RUBCN: variants seen among roughly 807,000 people sequenced by gnomAD.
The protein encoded by RUBCN is rubicon autophagy regulator.
In RUBCN, 74 loss-of-function variants were observed where a neutral mutation model predicts 113.2. The ratio of observed to expected loss-of-function variants is 0.65; its 90% CI spans 0.54 to 0.79. RUBCN has a LOEUF of 0.79. Among genes scored for constraint, RUBCN ranks in the 30% least tolerant of loss-of-function variants. The probability of loss-of-function intolerance (pLI) is 0.00; values close to 1 mark genes in which losing one functional copy is unlikely to be tolerated. For missense variants in RUBCN, 1,109 were observed against 1,251.7 expected (o/e 0.89, Z 1.72); for synonymous variants, 480 against 490.0 (o/e 0.98, Z 0.27).
chr3:197,726,677 A>G (rs567957073), intron 1 of RUBCN, among the ~76,000 whole-genome samples: 1 of 148,158 alleles, frequency 6.7e-6, no homozygotes, highest in East Asian at 2.1e-4. Flanking sequence ...GTAGCTGGGG[A>G]TTACAGGCAC....
rs529545218 is a variant in RUBCN at position 197,668,953 on chromosome 3, A to C, written c.*6065T>G. On this transcript the variant is annotated 3_prime_UTR_variant, in exon 20 of 20. Coordinates refer to ENST00000296343, the MANE Select transcript of RUBCN (RefSeq NM_014687.4). The stretch of plus-strand genomic sequence containing the variant: ...AGAGGAAAAAATACTCCACAATGCC[A>C]CCATTCTAACAGAACCACACTAATT... 6.6e-6 allele frequency among the ~76,000 whole-genome samples: 1 copy of C among 152,314 alleles called. No homozygotes were observed. The highest frequency in any genetic ancestry group is 2.1e-4 in the South Asian group (1 of 4,830).
chr3:197,721,376 G>A (rs547079307), intron 1 of RUBCN, among the ~76,000 whole-genome samples: 1 of 152,192 alleles, frequency 6.6e-6, no homozygotes, highest in South Asian at 2.1e-4. Context: ...ACTTCTTCTA[G>A]GTTTTCCAAT....
intron 1 of RUBCN, among the ~76,000 whole-genome samples, chr3:197,726,819 T>A (rs1288828242): frequency 6.6e-6 from 1 of 151,200 alleles, no homozygotes; most frequent in Non-Finnish European, 1.5e-5. Flanking sequence ...GGATTACAGA[T>A]CTTTTGTATT....
chr3:197,686,720 C>T (rs1243080703), intron 11 of RUBCN, among the ~76,000 whole-genome samples: 5 of 152,158 alleles, frequency 3.3e-5, no homozygotes, highest in African/African-American at 4.8e-5. Context: ...GAAGGAGGTC[C>T]GAGACACTCA....
At chr3:197,741,840 A>T (rs1728536136), upstream of RUBCN, among the ~76,000 whole-genome samples, 1 of 152,004 alleles carries the variant, frequency 6.6e-6, no homozygotes, top group African/African-American at 2.4e-5. Context: ...CAAAAAAAAA[A>T]AACCCCAAAA....
Position 197,670,229 on chromosome 3 carries a change from A to T in RUBCN, c.*4789T>A, listed in dbSNP as rs1276425701. ...TAACTGTCATTTTGATGGTTGCATCAATTTTTTTATTTTCCATTAACTTTT... is the reference window on the plus strand; with the variant it reads ...TAACTGTCATTTTGATGGTTGCATCTATTTTTTTATTTTCCATTAACTTTT... On this transcript the variant is annotated 3_prime_UTR_variant, in exon 20 of 20. Coordinates refer to ENST00000296343, the MANE Select transcript of RUBCN (RefSeq NM_014687.4). 6.6e-6 allele frequency among the ~76,000 whole-genome samples: 1 copy of T among 152,192 alleles called. No individual in the cohort carries two copies. The highest frequency in any genetic ancestry group is 6.5e-5 in the Admixed American group (1 of 15,282).
intron 7 of RUBCN, among the ~76,000 whole-genome samples, chr3:197,699,771 T>C (rs1723429916): frequency 6.6e-6 from 1 of 152,218 alleles, no homozygotes; most frequent in African/African-American, 2.4e-5. Flanking sequence ...AAAGCAACGC[T>C]ATCTCCAGTT....
In RUBCN at chr3:197,676,930, A is replaced by T. The variant is rs1720505056; in HGVS notation, c.2601T>A (p.Leu867=). 6.2e-7 allele frequency: 1 copy of T among 1,614,212 alleles called. No individual in the cohort carries two copies. The highest frequency in any genetic ancestry group is 2.2e-5 in the East Asian group (1 of 44,882). Residue 867 remains leucine (L), a synonymous_variant, in exon 18 of 20, where the codon CTT becomes CTA. Coordinates refer to ENST00000296343, the MANE Select transcript of RUBCN (RefSeq NM_014687.4). ...ATRKGELGPR[L]AELTRAGATH... is the part of the protein sequence containing the mutation. The stretch of plus-strand genomic sequence containing the variant: ...TAGCCCCTGCCCTGGTGAGCTCAGC[A>T]AGCCGGGGCCCCAGCTCCCCCTTCC...
chr3:197,734,339 G>T (rs1560476548), intron 1 of RUBCN, among the ~76,000 whole-genome samples: 2 of 151,438 alleles, frequency 1.3e-5, no homozygotes. Flanking sequence ...AGAGGCCGAG[G>T]CTGGAGAATA....
intron 1 of RUBCN, among the ~76,000 whole-genome samples, chr3:197,743,915 C>T (rs1011164144): frequency 6.6e-6 from 1 of 151,950 alleles, no homozygotes; most frequent in African/African-American, 2.4e-5. Flanking sequence ...ACCCGGGAGG[C>T]GGAGGTTGCA....
chr3:197,716,063 TAGACAAAAGG>T (rs1292473879), intron 2 of RUBCN, among the ~76,000 whole-genome samples: 4 of 152,208 alleles, frequency 2.6e-5, no homozygotes, highest in Admixed American at 2.0e-4. Context: ...CACTGGCTTC[TAGACAAAAGG>T]ATTTCCCACA....
intron 1 of RUBCN, among the ~76,000 whole-genome samples, chr3:197,735,686 G>A (rs1047700578): frequency 6.6e-6 from 1 of 152,050 alleles, no homozygotes; most frequent in Non-Finnish European, 1.5e-5. Context: ...CGACTTATTG[G>A]ACTCAAGTGA....
intron 2 of RUBCN, among the ~76,000 whole-genome samples, chr3:197,716,678 G>A (rs554074433): frequency 6.6e-6 from 1 of 152,266 alleles, no homozygotes; most frequent in Non-Finnish European, 1.5e-5. Flanking sequence ...CTTTGCAGGT[G>A]TGATTAAATT....
chr3:197,719,108 G>A (rs1560458165), intron 1 of RUBCN, among the ~76,000 whole-genome samples: 1 of 152,156 alleles, frequency 6.6e-6, no homozygotes, highest in Non-Finnish European at 1.5e-5. Flanking sequence ...CTGAGAATCA[G>A]TCTGACTCAT....
At position 197,704,774 on chromosome 3, in the gene RUBCN, A is replaced by T; in HGVS notation, c.304-73T>A. ...GGCAAGATTGAGGCCTAATGACCTG[A>T]GAACTAAATTGAGACAGGTAAGGGA... On this transcript the variant is annotated intron_variant, in intron 3 of 19. Transcript: ENST00000296343. 4 of 1,465,480 alleles carry T rather than the reference A, an allele frequency of 2.7e-6. No individual in the cohort carries two copies. In the South Asian group the frequency reaches 4.6e-5, roughly 17 times the overall value. 90.8% of individuals were successfully genotyped at this position (1,465,480 alleles called of 1,614,324 possible).
intron 1 of RUBCN, among the ~76,000 whole-genome samples, chr3:197,731,250 C>T (rs1222104498): frequency 6.6e-6 from 1 of 152,144 alleles, no homozygotes; most frequent in Non-Finnish European, 1.5e-5. Flanking sequence ...TCTTGCACCA[C>T]CCTCAATCCA....
intron 11 of RUBCN, among the ~76,000 whole-genome samples, chr3:197,684,929 C>T (rs975291797): frequency 6.6e-6 from 1 of 152,078 alleles, no homozygotes; most frequent in Non-Finnish European, 1.5e-5. Context: ...TGCCATTTTA[C>T]CCCTGAATGT....
At chr3:197,693,403 A>G (rs1722649935) in intron 11 of RUBCN, among the ~76,000 whole-genome samples, 1 of 152,204 alleles carries the variant, frequency 6.6e-6, no homozygotes, top group Admixed American at 6.5e-5. Flanking sequence ...TCTAATTTCA[A>G]GTGGTATGGA....
intron 1 of RUBCN, among the ~76,000 whole-genome samples, chr3:197,722,060 G>A (rs1324396447): frequency 1.3e-5 from 2 of 152,004 alleles, no homozygotes; most frequent in African/African-American, 2.4e-5. Context: ...TCAACATGGC[G>A]AAACCCCATC....
Sources: allele counts gnomAD v4.1 joint callset (sites outside exome capture counted in the v4.1 genomes callset), GRCh38; gene constraint gnomAD v4.1.1; transcripts MANE v1.5; gene names NCBI Gene and HGNC (gene_info 2026-07-23, HGNC 2026-07-21).